TCF12: variants seen among roughly 807,000 people sequenced by gnomAD.
The protein encoded by TCF12 is transcription factor 12.
Under a neutral mutation model 86.0 loss-of-function variants are expected in TCF12, and 45 were observed. The ratio of observed to expected loss-of-function variants is 0.52; its 90% confidence interval spans 0.41 to 0.67. The LOEUF (loss-of-function observed/expected upper bound fraction) is 0.67. Ranked by LOEUF, TCF12 falls within the 30% of genes least tolerant of loss-of-function variation. The probability of loss-of-function intolerance (pLI) is 0.00; values close to 1 mark genes in which losing one functional copy is unlikely to be tolerated. For synonymous variants in TCF12, 330 were observed against 299.6 expected (o/e 1.10, Z -1.05); for missense variants, 881 against 859.9 (o/e 1.02, Z -0.31).
intron 19 of TCF12, chr15:57,281,774 G>A (rs1395664518): frequency 6.6e-6 from 1 of 152,606 alleles, no homozygotes; most frequent in East Asian, 1.9e-4. Context: ...ACAGGCTCAG[G>A]GCTCCCACTG....
intron 6 of TCF12, among the ~76,000 whole-genome samples, chr15:57,178,493 G>A (rs561782350): frequency 6.6e-6 from 1 of 152,314 alleles, no homozygotes; most frequent in South Asian, 2.1e-4. Context: ...GAGAAAAAGA[G>A]TGGCTTCAAA....
chr15:56,988,580 A>G (rs1374515912), intron 3 of TCF12, among the ~76,000 whole-genome samples: 1 of 152,310 alleles, frequency 6.6e-6, no homozygotes, highest in Non-Finnish European at 1.5e-5. Flanking sequence ...GTTAGTTGCT[A>G]TAGTTATAAA....
At chr15:57,153,852 T>A (rs193093023) in intron 5 of TCF12, among the ~76,000 whole-genome samples, 1 of 151,318 alleles carries the variant, frequency 6.6e-6, no homozygotes, top group African/African-American at 2.4e-5. Context: ...CAAGACTCTG[T>A]CTCTCCAAAA....
intron 3 of TCF12, among the ~76,000 whole-genome samples, chr15:57,013,109 C>T (rs181536827): frequency 6.6e-6 from 1 of 151,684 alleles, no homozygotes; most frequent in East Asian, 1.9e-4. Flanking sequence ...CTCTAGGTTT[C>T]TTGAGATAAT....
At chr15:56,990,095 A>C (rs2063368186) in intron 3 of TCF12, among the ~76,000 whole-genome samples, 1 of 151,514 alleles carries the variant, frequency 6.6e-6, no homozygotes, top group Non-Finnish European at 1.5e-5. Flanking sequence ...AGCAGGCAAA[A>C]ACTTCGGTAG....
At chr15:56,934,776 A>C (rs1163846613) in intron 3 of TCF12, among the ~76,000 whole-genome samples, 1 of 152,214 alleles carries the variant, frequency 6.6e-6, no homozygotes, top group Non-Finnish European at 1.5e-5. Flanking sequence ...TTTGGAACCC[A>C]GTGCCGGTAG....
At chr15:57,264,005 A>G (rs2060714408) in intron 18 of TCF12, among the ~76,000 whole-genome samples, 1 of 152,110 alleles carries the variant, frequency 6.6e-6, no homozygotes, top group Non-Finnish European at 1.5e-5. Flanking sequence ...CAGACACTGT[A>G]CATTTAGGCT....
chr15:57,265,870 G>C (rs983322045), intron 18 of TCF12, among the ~76,000 whole-genome samples: 21 of 152,122 alleles, frequency 1.4e-4, no homozygotes, highest in Non-Finnish European at 2.8e-4. Context: ...TTGTGCTGCA[G>C]CCTTACCACA....
chr15:56,961,126 CAAAA>C (rs35067646), intron 3 of TCF12, among the ~76,000 whole-genome samples: 34 of 136,202 alleles, frequency 2.5e-4, no homozygotes, highest in Non-Finnish European at 2.2e-4. Context: ...AACTCTGTCT[CAAAA>C]AAAAAAAAAA....
chr15:57,274,360 G>C (rs1238800343), intron 19 of TCF12, among the ~76,000 whole-genome samples: 1 of 152,194 alleles, frequency 6.6e-6, no homozygotes, highest in African/African-American at 2.4e-5. Flanking sequence ...AAGAATGAGG[G>C]ATAGATCATT....
chr15:57,114,339 G>A (rs1470103443), intron 5 of TCF12, among the ~76,000 whole-genome samples: 8 of 152,152 alleles, frequency 5.3e-5, no homozygotes, highest in African/African-American at 1.9e-4. Context: ...TGTGCAGGCT[G>A]GAGTGCAGTG....
rs869113042 is a variant in TCF12 at position 57,136,958 on chromosome 15, G to GTTTTTTTTT, written c.326-29441_326-29433dup. On this transcript the variant is annotated intron_variant, in intron 5 of 20. Coordinates refer to ENST00000333725, the MANE Select transcript of TCF12 (RefSeq NM_207037.2). ...TAGACAATAGCCACTGCTTCTGGCA[G>GTTTTTTTTT]TTTTTTTTTTTGTTTTTTTTTTTTT... Among the ~76,000 whole-genome samples, 56 of 83,044 alleles carry GTTTTTTTTT rather than the reference G, an allele frequency of 6.7e-4. 23 individuals carry two copies. Among genetic ancestry groups the GTTTTTTTTT allele is most frequent in the East Asian group, 1.5e-3 (4 of 2,586 alleles). The allele number at this position is 83,044 out of a possible 152,430, so 54.5% of individuals were successfully genotyped here.
chr15:57,062,196 T>C (rs1324807830), intron 3 of TCF12, among the ~76,000 whole-genome samples: 5 of 152,140 alleles, frequency 3.3e-5, no homozygotes, highest in Admixed American at 2.6e-4. Flanking sequence ...GACCTTGTGA[T>C]CTGCCCGCCT....
rs1275924255 is a variant in TCF12 at position 57,137,130 on chromosome 15, C to T, written c.326-29272C>T. ...AAGTAGCTGGGACTACAGGCACCTG[C>T]CACCATGCCCGGCTAATTTTTTGTA... On this transcript the variant is annotated intron_variant, in intron 5 of 20. Transcript: ENST00000333725. Among the ~76,000 whole-genome samples the T allele has an allele frequency of 4.6e-5, 7 of 152,154 alleles. No homozygotes were observed. The South Asian group carries it at 1.4e-3, about 32-fold the overall frequency.
intron 6 of TCF12, among the ~76,000 whole-genome samples, chr15:57,189,429 T>C (rs1012629035): frequency 6.6e-6 from 1 of 152,220 alleles, no homozygotes; most frequent in Non-Finnish European, 1.5e-5. Flanking sequence ...GGCAAAGGAC[T>C]TGACTAGACA....
chr15:57,155,792 G>A (rs2054073457), intron 5 of TCF12, among the ~76,000 whole-genome samples: 1 of 152,118 alleles, frequency 6.6e-6, no homozygotes, highest in South Asian at 2.1e-4. Flanking sequence ...ATAAATAAAT[G>A]AGAACATAAA....
At chr15:57,110,275 T>C (rs1245217314) in intron 5 of TCF12, among the ~76,000 whole-genome samples, 3 of 149,892 alleles carry the variant, frequency 2.0e-5, no homozygotes, top group Non-Finnish European at 4.4e-5. Context: ...GTATTAAGAT[T>C]TTTTAGTTTT....
At chr15:57,071,603 A>G (rs1463281369) in intron 4 of TCF12, among the ~76,000 whole-genome samples, 3 of 152,184 alleles carry the variant, frequency 2.0e-5, no homozygotes, top group African/African-American at 7.2e-5. Flanking sequence ...TCTAGCCTGG[A>G]TGGCAGAGTG....
rs561747717 is a variant in TCF12 at position 57,083,041 on chromosome 15, T to C, written c.223-8748T>C. ...TCAGTCTTATATATTGAATGTTAAC[T>C]GAATAAAGAAAAAGAGATACTATTT... On this transcript the variant is annotated intron_variant, in intron 4 of 20. Transcript: ENST00000333725. 2.6e-5 allele frequency among the ~76,000 whole-genome samples: 4 copies of C among 152,140 alleles called. No homozygotes were observed. In the South Asian group the frequency reaches 6.2e-4, roughly 24 times the overall value.
Sources: allele counts gnomAD v4.1 joint callset (sites outside exome capture counted in the v4.1 genomes callset), GRCh38; gene constraint gnomAD v4.1.1; transcripts MANE v1.5; gene names NCBI Gene and HGNC (gene_info 2026-07-23, HGNC 2026-07-21).